SYT14: variants seen among roughly 807,000 people sequenced by gnomAD.
SYT14 encodes synaptotagmin-14.
A neutral mutation model predicts 74.2 loss-of-function variants in SYT14; 32 were observed. That is an observed-to-expected ratio of 0.43 (90% confidence interval 0.33 to 0.58). The LOEUF (loss-of-function observed/expected upper bound fraction) is 0.58. Ranked by LOEUF, SYT14 falls within the 20% of genes least tolerant of loss-of-function variation. The pLI is 0.05. For synonymous variants in SYT14, 298 were observed against 337.7 expected, an observed-to-expected ratio of 0.88 and a Z score of 1.29; for missense variants, 791 against 981.8, an observed-to-expected ratio of 0.81 and a Z score of 2.60.
At chr1:210,064,099 G>A (rs1051305115) in intron 5 of SYT14, among the ~76,000 whole-genome samples, 2 of 151,778 alleles carry the variant, frequency 1.3e-5, no homozygotes, top group Non-Finnish European at 2.9e-5. Flanking sequence ...AAATATATAC[G>A]CAGCATACAA....
intron 7 of SYT14, among the ~76,000 whole-genome samples, chr1:210,144,959 A>G (rs1449220295): frequency 1.3e-5 from 2 of 152,168 alleles, no homozygotes; most frequent in Non-Finnish European, 2.9e-5. Flanking sequence ...GCAGTGACTC[A>G]GATATCTCAG....
At chr1:210,020,925 A>G in intron 4 of SYT14, 114 bp from the exon 4 acceptor site, 1 of 841,496 alleles carries the variant, frequency 1.2e-6, no homozygotes, top group Non-Finnish European at 2.0e-6. Context: ...AACTTCAGCA[A>G]ATTTTCTATA....
chr1:210,021,112 T>C (rs767542579), exon 5 of SYT14: 36 of 1,614,024 alleles, frequency 2.2e-5, no homozygotes, highest in Non-Finnish European at 2.7e-5. Flanking sequence ...GTAAATATCA[T>C]GAGGCCTTAT....
At chr1:210,098,853 T>C (rs958134555) in intron 6 of SYT14, among the ~76,000 whole-genome samples, 1 of 152,094 alleles carries the variant, frequency 6.6e-6, no homozygotes, top group South Asian at 2.1e-4. Flanking sequence ...AGTTAATTTT[T>C]GTATTTTTAG....
At chr1:210,016,150 TATG>T in exon 4 of SYT14, 2 of 1,232,084 alleles carry the variant, frequency 1.6e-6, no homozygotes, top group Non-Finnish European at 2.0e-6. Flanking sequence ...AGGTAACAAG[TATG>T]ATGAGTGGCT....
chr1:210,018,700 T>C (rs1239558435), intron 4 of SYT14, among the ~76,000 whole-genome samples: 1 of 152,186 alleles, frequency 6.6e-6, no homozygotes, highest in African/African-American at 2.4e-5. Context: ...TTCCACAATA[T>C]AGTCAGTACT....
intron 5 of SYT14, among the ~76,000 whole-genome samples, chr1:210,035,430 T>C (rs1304787037): frequency 6.6e-6 from 1 of 151,974 alleles, no homozygotes; most frequent in Non-Finnish European, 1.5e-5. Context: ...ATAGTCCCAT[T>C]TGTCTATTTT....
chr1:209,986,163 A>C (rs2079566823), intron 2 of SYT14, among the ~76,000 whole-genome samples: 1 of 152,182 alleles, frequency 6.6e-6, no homozygotes, highest in South Asian at 2.1e-4. Context: ...TTCTACCACA[A>C]GCCCAGGCTG....
At chr1:210,136,171 A>G (rs1018982069) in intron 7 of SYT14, among the ~76,000 whole-genome samples, 1 of 152,170 alleles carries the variant, frequency 6.6e-6, no homozygotes, top group Non-Finnish European at 1.5e-5. Flanking sequence ...TCCTCTTACA[A>G]TGGTAAGAAA....
chr1:210,161,180 A>G (rs976384233), exon 10 of SYT14: 3 of 949,818 alleles, frequency 3.2e-6, no homozygotes, highest in South Asian at 2.7e-5. Flanking sequence ...TTTAAGTTCT[A>G]TGGAAAGAAC....
At chr1:210,105,859 C>G (rs902717215) in intron 7 of SYT14, among the ~76,000 whole-genome samples, 7 of 152,194 alleles carry the variant, frequency 4.6e-5, no homozygotes, top group Non-Finnish European at 1.0e-4. Flanking sequence ...CTCTCCCTCT[C>G]TCACTCTTGC....
At chr1:209,951,364 A>G (rs1420067754) in intron 1 of SYT14, among the ~76,000 whole-genome samples, 1 of 152,190 alleles carries the variant, frequency 6.6e-6, no homozygotes, top group Admixed American at 6.5e-5. Context: ...TAGATTCCAC[A>G]TACAAGTGAG....
intron 7 of SYT14, among the ~76,000 whole-genome samples, chr1:210,146,298 G>A (rs557388748): frequency 8.5e-5 from 13 of 152,080 alleles, no homozygotes; most frequent in African/African-American, 1.9e-4. Context: ...ACGCCACTGC[G>A]CTCCAGCCTG....
At chr1:209,941,383 C>A (rs114238155) in intron 1 of SYT14, among the ~76,000 whole-genome samples, 1,562 of 152,278 alleles carry the variant, frequency 0.01, 28 homozygotes, top group African/African-American at 0.035. Flanking sequence ...AGTTACACAT[C>A]CTTACTGTTG....
At chr1:210,167,695 C>T (rs1421751376) in exon 10 of SYT14, 1 of 152,094 alleles carries the variant, frequency 6.6e-6, no homozygotes, top group Non-Finnish European at 1.5e-5. Context: ...TTGGTGACAG[C>T]TTGAGGTCTG....
At chr1:210,022,311 AAATT>A (rs1254587437) in intron 5 of SYT14, among the ~76,000 whole-genome samples, 1 of 152,234 alleles carries the variant, frequency 6.6e-6, no homozygotes, top group Non-Finnish European at 1.5e-5. Flanking sequence ...ATATAATAAT[AAATT>A]AATCAAATAC....
chr1:210,038,857 A>G (rs2080726129), intron 5 of SYT14, among the ~76,000 whole-genome samples: 1 of 151,974 alleles, frequency 6.6e-6, no homozygotes, highest in Non-Finnish European at 1.5e-5. Flanking sequence ...TTTTTCCTTC[A>G]TATTGACTTT....
chr1:209,972,184 G>A (rs2223340), intron 2 of SYT14, among the ~76,000 whole-genome samples: 150,255 of 152,148 alleles, frequency 0.99, 74,201 homozygotes, highest in East Asian at 1. Context: ...AGAGATATTC[G>A]TAGTAGTCTC....
chr1:210,152,541 T>C (rs985037304), intron 7 of SYT14, among the ~76,000 whole-genome samples: 4 of 152,184 alleles, frequency 2.6e-5, no homozygotes, highest in Admixed American at 6.5e-5. Context: ...ATCATGTAAT[T>C]CTTTTCTTAA....
Sources: allele counts gnomAD v4.1 joint callset (sites outside exome capture counted in the v4.1 genomes callset), GRCh38; gene constraint gnomAD v4.1.1; transcripts MANE v1.5; gene names NCBI Gene and HGNC (gene_info 2026-07-23, HGNC 2026-07-21).